HIBCH: variants seen among roughly 807,000 people sequenced by gnomAD.
HIBCH encodes the protein 3-hydroxyisobutyryl-CoA hydrolase, mitochondrial.
In HIBCH, 50 loss-of-function variants were observed where a neutral mutation model predicts 58.2. The ratio of observed to expected loss-of-function variants is 0.86; its 90% CI spans 0.68 to 1.09. HIBCH has a LOEUF of 1.09. Ranked by LOEUF, HIBCH falls within the 50% of genes least tolerant of loss-of-function variation. The pLI, the probability that HIBCH is intolerant of heterozygous loss-of-function variation, is 0.00. For synonymous variants in HIBCH, 151 were observed against 146.9 expected, an observed-to-expected ratio of 1.03 and a Z score of -0.20; for missense variants, 450 against 449.7, an observed-to-expected ratio of 1.00 and a Z score of -0.01.
chr2:190,314,614 G>A (rs1272538022), intron 1 of HIBCH, among the ~76,000 whole-genome samples: 2 of 151,580 alleles, frequency 1.3e-5, no homozygotes, highest in Non-Finnish European at 2.9e-5. Context: ...GAGTAGCTGG[G>A]ATTGCAGGCA....
At chr2:190,293,115 A>G (rs111367161) in intron 4 of HIBCH, among the ~76,000 whole-genome samples, 38 of 152,206 alleles carry the variant, frequency 2.5e-4, no homozygotes, top group African/African-American at 9.2e-4. Context: ...AACTCAATAC[A>G]TAAAGCTCTG....
In HIBCH at chr2:190,296,177, T is replaced by C. The variant is rs558232967; in HGVS notation, c.219+636A>G. On this transcript the variant is annotated intron_variant, in intron 3 of 13. Coordinates refer to ENST00000359678, the MANE Select transcript of HIBCH (RefSeq NM_014362.4). The stretch of plus-strand genomic sequence containing the variant: ...GGCTCACGCCTGTAATCCCAGCACT[T>C]TGGGAGGCCGAGGCAGATAGATCAC... Among the ~76,000 whole-genome samples, 6 of 152,146 alleles carry C rather than the reference T, an allele frequency of 3.9e-5. No homozygotes were observed. In the South Asian group the frequency reaches 1.2e-3, roughly 32 times the overall value.
At position 190,236,421 on chromosome 2, in the gene HIBCH, T is replaced by C. The variant is rs1205995858; in HGVS notation, c.891+8466A>G. ...CATATTTAAGAGTTATGTTCTGCTTTGAACTGTAAATATTTTTCTAAGTAA... is the reference window on the plus strand; with the variant it reads ...CATATTTAAGAGTTATGTTCTGCTTCGAACTGTAAATATTTTTCTAAGTAA... On this transcript the variant is annotated intron_variant, in intron 11 of 13. Coordinates refer to ENST00000359678, the MANE Select transcript of HIBCH (RefSeq NM_014362.4). The surrounding 1 kb of genome is among the most constrained non-coding windows in gnomAD (Gnocchi z 4.1). 6.6e-6 allele frequency among the ~76,000 whole-genome samples: 1 copy of C among 152,238 alleles called. No individual in the cohort carries two copies. Among genetic ancestry groups the C allele is most frequent in the African/African-American group, 2.4e-5 (1 of 41,478 alleles).
chr2:190,312,109 C>T (rs543226139), intron 1 of HIBCH, among the ~76,000 whole-genome samples: 14 of 152,226 alleles, frequency 9.2e-5, no homozygotes, highest in African/African-American at 3.4e-4. Context: ...AAGTAAAAGA[C>T]AACACCGGGA....
At chr2:190,295,409 A>AT (rs1440267817) in intron 3 of HIBCH, among the ~76,000 whole-genome samples, 1 of 152,222 alleles carries the variant, frequency 6.6e-6, no homozygotes, top group African/African-American at 2.4e-5. Context: ...CCTGAAAGTA[A>AT]TTAATTTTTC....
At chr2:190,200,032 A>C, downstream of HIBCH, 2 of 1,614,096 alleles carry the variant, frequency 1.2e-6, no homozygotes, top group Non-Finnish European at 1.7e-6. Context: ...CAATACTGTG[A>C]TCTTGGAATA....
At chr2:190,238,352 A>G (rs956258363) in intron 11 of HIBCH, among the ~76,000 whole-genome samples, 1 of 152,190 alleles carries the variant, frequency 6.6e-6, no homozygotes, top group African/African-American at 2.4e-5. Flanking sequence ...AGACTTTTTA[A>G]TGATCTCCAT....
chr2:190,230,497 C>A (rs1222542723), intron 11 of HIBCH, among the ~76,000 whole-genome samples: 1 of 152,206 alleles, frequency 6.6e-6, no homozygotes, highest in East Asian at 1.9e-4. Flanking sequence ...GAGTTCGAAA[C>A]CAGCCTGGCC....
At chr2:190,293,461 AAAAT>A (rs1172594852) in intron 4 of HIBCH, among the ~76,000 whole-genome samples, 1,797 of 65,142 alleles carry the variant, frequency 0.028, 34 homozygotes, top group African/African-American at 0.076. Flanking sequence ...CTCAAAAAAA[AAAAT>A]AAATAAATAA....
chr2:190,192,129 A>G (rs945711314), intron 1 of HIBCH, among the ~76,000 whole-genome samples: 18 of 152,108 alleles, frequency 1.2e-4, no homozygotes, highest in Non-Finnish European at 2.2e-4. Context: ...ATTTTTCTAT[A>G]AAGTATAAGG....
At chr2:190,311,845 T>G (rs1688565747) in intron 1 of HIBCH, among the ~76,000 whole-genome samples, 1 of 152,118 alleles carries the variant, frequency 6.6e-6, no homozygotes, top group Non-Finnish European at 1.5e-5. Flanking sequence ...ACAACACACT[T>G]CTATTTTTTG....
chr2:190,314,655 T>G (rs1688666751), intron 1 of HIBCH, among the ~76,000 whole-genome samples: 1 of 151,832 alleles, frequency 6.6e-6, no homozygotes, highest in African/African-American at 2.4e-5. Context: ...ATTTTTGTAT[T>G]TTTAGTAGAG....
intron 1 of HIBCH, among the ~76,000 whole-genome samples, chr2:190,191,460 T>C (rs569834719): frequency 3.3e-5 from 5 of 152,294 alleles, no homozygotes; most frequent in Admixed American, 1.3e-4. Flanking sequence ...ACAATTTTTT[T>C]ATGTGAACAC....
intron 7 of HIBCH, among the ~76,000 whole-genome samples, chr2:190,256,456 A>C (rs1072975): frequency 2.0e-5 from 3 of 150,818 alleles, no homozygotes; most frequent in African/African-American, 7.3e-5. Flanking sequence ...AAAAAAAAAA[A>C]AATAATAATA....
chr2:190,297,650 T>C (rs1391859848), intron 2 of HIBCH, among the ~76,000 whole-genome samples: 1 of 152,188 alleles, frequency 6.6e-6, no homozygotes, highest in Non-Finnish European at 1.5e-5. Context: ...TGCTTATGTA[T>C]TTTGCAGTAT....
rs1281607226 is a variant in HIBCH at position 190,209,827 on chromosome 2, T to C, written c.1012-914A>G. Among the ~76,000 whole-genome samples, 1 of 152,244 alleles carries C rather than the reference T, an allele frequency of 6.6e-6. No individual in the cohort carries two copies. The highest frequency in any genetic ancestry group is 2.4e-5 in the African/African-American group (1 of 41,470). On this transcript the variant is annotated intron_variant, in intron 12 of 13. Transcript: ENST00000359678. This position sits in a 1 kb window ranked among gnomAD's most constrained non-coding sequence, Gnocchi z 5.6. Reference sequence around the variant, plus strand: ...CTGAGTTCAAATGTCTAGGTTCACATCCTGATAGCTACATATTAACTATGT... The same window carrying C: ...CTGAGTTCAAATGTCTAGGTTCACACCCTGATAGCTACATATTAACTATGT...
chr2:190,196,802 T>C (rs2105884673), intron 1 of HIBCH, among the ~76,000 whole-genome samples: 1 of 152,300 alleles, frequency 6.6e-6, no homozygotes, highest in East Asian at 1.9e-4. Flanking sequence ...TCTGGCTTCT[T>C]TTGTGCTATA....
chr2:190,254,822 C>T lies in HIBCH; in HGVS notation c.518-2515G>A, dbSNP rs1686878376. ...CAAAATCTCTCCAGACTGTGCTGTC[C>T]AACAGAACTTTCTACAATGATGAAA... On this transcript the variant is annotated intron_variant, in intron 7 of 13. Transcript: ENST00000359678. This position sits in a 1 kb window ranked among gnomAD's most constrained non-coding sequence, Gnocchi z 5.0. Among the ~76,000 whole-genome samples, 3 of 152,208 alleles carry T rather than the reference C, an allele frequency of 2.0e-5. No homozygotes were observed. In the South Asian group the frequency reaches 6.2e-4, roughly 31 times the overall value.
intron 6 of HIBCH, among the ~76,000 whole-genome samples, chr2:190,277,413 T>C (rs184019161): frequency 6.6e-6 from 1 of 152,338 alleles, no homozygotes; most frequent in Admixed American, 6.5e-5. Context: ...CCAAGCTCTG[T>C]GGCGCCATCT....
Sources: allele counts gnomAD v4.1 joint callset (sites outside exome capture counted in the v4.1 genomes callset), GRCh38; gene constraint gnomAD v4.1.1; non-coding constraint Gnocchi (gnomAD v3.1); transcripts MANE v1.5; gene names NCBI Gene and HGNC (gene_info 2026-07-23, HGNC 2026-07-21).